The following LRP1B variants were observed in gnomAD, a reference collection of about 807,000 sequenced individuals.
The protein encoded by LRP1B is LDL receptor related protein 1B, also known as low-density lipoprotein receptor-related protein 1B.
LRP1B carries 217 observed loss-of-function variants against 556.6 expected under a neutral mutation model. The observed-to-expected ratio is 0.39, with a 90% CI of 0.35 to 0.44. LRP1B has a LOEUF of 0.44. Ranked by LOEUF, LRP1B falls within the 20% of genes least tolerant of loss-of-function variation. LRP1B has a pLI of 1.00. For missense variants in LRP1B, 5,053 were observed against 5,620.8 expected (o/e 0.90, Z 3.23); for synonymous variants, 2,047 against 1,865.8 (o/e 1.10, Z -2.50).
At chr2:140,918,782 C>T (rs1469813434) in intron 21 of LRP1B, among the ~76,000 whole-genome samples, 7 of 151,978 alleles carry the variant, frequency 4.6e-5, no homozygotes, top group Non-Finnish European at 1.5e-5. Flanking sequence ...AAGAAGATTG[C>T]CATCTGCAAA....
In LRP1B at chr2:140,716,082, G is replaced by A. The variant is rs558344300; in HGVS notation, c.5914C>T (p.His1972Tyr). ...WIAGNIYWTDHGFNLIEVARL... is the reference protein window; with the variant it reads ...WIAGNIYWTDYGFNLIEVARL... ...GCAACTTCAATTAAGTTGAAACCAT[G>A]ATCTGTCCAATATATGTTACCTAGG... is the stretch of plus-strand genomic sequence containing the variant. The change falls in exon 37 of 91, where the codon CAT (histidine) becomes TAT (tyrosine). Residue 1972 changes from histidine to tyrosine, a missense_variant. His to Tyr is a moderately conservative substitution (Grantham distance 83). This residue lies in a region of LRP1B where 3,619 missense variants were observed against 3,931.9 expected (regional missense o/e 0.92). Transcript: ENST00000389484. 3.7e-6 allele frequency: 6 copies of A among 1,604,110 alleles called. No individual in the cohort carries two copies. The East Asian group carries it at 1.1e-4, about 30-fold the overall frequency.
At chr2:141,505,277 C>T (rs188675377) in intron 2 of LRP1B, among the ~76,000 whole-genome samples, 189 of 152,030 alleles carry the variant, frequency 1.2e-3, no homozygotes, top group African/African-American at 4.3e-3. Flanking sequence ...TATTCAGAGG[C>T]AAATATTTGT....
In LRP1B at chr2:140,812,029, G is replaced by A. The variant is rs577744208; in HGVS notation, c.5359+1628C>T. Among the ~76,000 whole-genome samples, 252 of 152,064 alleles carry A rather than the reference G, an allele frequency of 1.7e-3. 1 individual carries two copies. The highest frequency in any genetic ancestry group is 3.4e-3 in the Middle Eastern group (1 of 292). ...ACTATTTAAAAAAACCTGATTCTAAGAAATAATTTAGAAAAAATATATAAG... is the reference window on the plus strand; with the variant it reads ...ACTATTTAAAAAAACCTGATTCTAAAAAATAATTTAGAAAAAATATATAAG... On this transcript the variant is annotated intron_variant, in intron 32 of 90. Coordinates refer to ENST00000389484, the MANE Select transcript of LRP1B (RefSeq NM_018557.3).
At chr2:140,684,250 T>C (rs954850752) in intron 41 of LRP1B, among the ~76,000 whole-genome samples, 3 of 152,196 alleles carry the variant, frequency 2.0e-5, no homozygotes, top group African/African-American at 7.2e-5. Flanking sequence ...ATTATGTTTC[T>C]TTTTTACTAA....
intron 2 of LRP1B, among the ~76,000 whole-genome samples, chr2:141,571,795 A>G (rs1052584692): frequency 2.0e-5 from 3 of 152,106 alleles, no homozygotes; most frequent in African/African-American, 7.2e-5. Flanking sequence ...CACAGGTATC[A>G]ACAGCCAAAT....
At chr2:140,734,365 T>C (rs1166965648) in intron 35 of LRP1B, among the ~76,000 whole-genome samples, 1 of 152,220 alleles carries the variant, frequency 6.6e-6, no homozygotes, top group Non-Finnish European at 1.5e-5. Flanking sequence ...CAAGGAATTA[T>C]GCTGTTCATT....
chr2:141,072,057 A>G (rs978258430), intron 7 of LRP1B, among the ~76,000 whole-genome samples: 1 of 152,126 alleles, frequency 6.6e-6, no homozygotes, highest in African/African-American at 2.4e-5. Flanking sequence ...TGCTTAAAGC[A>G]TAAGACAGGC....
At chr2:141,336,924 C>T (rs2683858) in intron 3 of LRP1B, among the ~76,000 whole-genome samples, 92,596 of 151,992 alleles carry the variant, frequency 0.61, 29,187 homozygotes, top group African/African-American at 0.7. Context: ...ATGGATGTGC[C>T]ACTATTGGTT....
chr2:141,125,202 C>A (rs1230986808), intron 7 of LRP1B, among the ~76,000 whole-genome samples: 1 of 152,224 alleles, frequency 6.6e-6, no homozygotes, highest in East Asian at 1.9e-4. Context: ...TTTGAAGAAA[C>A]AGGATTAAAA....
intron 29 of LRP1B, among the ~76,000 whole-genome samples, chr2:140,849,410 C>CAAAA (rs1275558550): frequency 1.3e-4 from 1 of 7,514 alleles, no homozygotes. Flanking sequence ...AAACAAAATC[C>CAAAA]AAAAAAAAAA....
chr2:140,904,323 G>T (rs749218168), intron 22 of LRP1B, among the ~76,000 whole-genome samples: 1 of 152,064 alleles, frequency 6.6e-6, no homozygotes, highest in Non-Finnish European at 1.5e-5. Flanking sequence ...AAATAAGGCT[G>T]AAAGAAGCTT....
intron 9 of LRP1B, among the ~76,000 whole-genome samples, chr2:141,055,884 T>C (rs1699167599): frequency 6.7e-6 from 1 of 149,790 alleles, no homozygotes; most frequent in Non-Finnish European, 1.5e-5. Context: ...AATTGAGGCG[T>C]AGAAGAATAT....
chr2:140,803,174 CATT>C (rs1690574175), intron 32 of LRP1B, among the ~76,000 whole-genome samples: 1 of 150,666 alleles, frequency 6.6e-6, no homozygotes, highest in Non-Finnish European at 1.5e-5. Context: ...AATGCCATGG[CATT>C]ATCTTACAAC....
intron 35 of LRP1B, among the ~76,000 whole-genome samples, chr2:140,725,972 G>C (rs1003794425): frequency 6.6e-6 from 1 of 152,146 alleles, no homozygotes; most frequent in Admixed American, 6.5e-5. Flanking sequence ...AGAACTGCTT[G>C]AGGAATGTTT....
intron 23 of LRP1B, among the ~76,000 whole-genome samples, chr2:140,892,078 CTT>C (rs912912549): frequency 9.9e-5 from 15 of 151,958 alleles, no homozygotes; most frequent in African/African-American, 3.4e-4. Context: ...AGTCCAGTGT[CTT>C]TTACTAGATT....
intron 43 of LRP1B, among the ~76,000 whole-genome samples, chr2:140,555,796 T>C (rs906548142): frequency 1.3e-5 from 2 of 152,116 alleles, no homozygotes; most frequent in Non-Finnish European, 1.5e-5. Context: ...AAAACTAATG[T>C]CTACTTTAGA....
intron 11 of LRP1B, among the ~76,000 whole-genome samples, chr2:141,037,791 GC>G (rs1698575898): frequency 1.3e-5 from 2 of 151,724 alleles, no homozygotes; most frequent in South Asian, 2.1e-4. Context: ...ATGTCCTTTG[GC>G]CAAAGGAAAT....
At chr2:140,709,793 T>C (rs186316929) in intron 37 of LRP1B, among the ~76,000 whole-genome samples, 162 of 152,222 alleles carry the variant, frequency 1.1e-3, no homozygotes, top group African/African-American at 3.8e-3. Flanking sequence ...ATTTTGACAC[T>C]TAAATGTCTA....
chr2:140,233,179 T>C lies in LRP1B; in HGVS notation c.*7A>G, dbSNP rs557818790. The C allele has an allele frequency of 7.6e-6, 12 of 1,571,706 alleles. No homozygotes were observed. In the South Asian group the frequency reaches 1.0e-4, roughly 13 times the overall value. ...ACATTTATACAGCATATAAAAGATA[T>C]CACTGATTATGCCACTGTCTCTCTT... On this transcript the variant is annotated 3_prime_UTR_variant, in exon 91 of 91. Transcript: ENST00000389484.
Sources: gnomAD v4.1 joint callset for allele counts (sites outside exome capture counted in the v4.1 genomes callset) on GRCh38, gnomAD v4.1.1 for gene constraint, gnomAD v4.1.1 regional missense constraint, MANE v1.5 for transcripts, NCBI Gene and HGNC (gene_info 2026-07-23, HGNC 2026-07-21) for gene names.